Variants in CCNJ observed in about 807,000 individuals in gnomAD.
The protein encoded by CCNJ is cyclin-J.
Under a neutral mutation model 41.4 loss-of-function variants are expected in CCNJ, and 12 were observed. That is an observed-to-expected ratio of 0.29 (90% CI 0.19 to 0.47). The LOEUF is 0.47. Among genes scored for constraint, CCNJ ranks in the 20% least tolerant of loss-of-function variants. CCNJ has a pLI of 1.00. For missense variants in CCNJ, 340 were observed against 464.6 expected, an observed-to-expected ratio of 0.73 and a Z score of 2.47; for synonymous variants, 161 against 173.4, an observed-to-expected ratio of 0.93 and a Z score of 0.56.
rs182244519 is a variant in CCNJ, at chr10:96,054,692, T to C, written c.281-2009T>C. ...CATTTTTGGTTTGATTTAACTTATCTGACCTTAAATGGATTGGCCAACCTC... is the reference window on the plus strand; with the variant it reads ...CATTTTTGGTTTGATTTAACTTATCCGACCTTAAATGGATTGGCCAACCTC... On this transcript the variant is annotated intron_variant, in intron 3 of 5. Coordinates refer to ENST00000465148, the MANE Select transcript of CCNJ (RefSeq NM_001134375.2). Among the ~76,000 whole-genome samples the C allele has an allele frequency of 2.0e-4, 31 of 151,610 alleles. No individual in the cohort carries two copies. In the East Asian group the frequency reaches 3.3e-3, roughly 16 times the overall value.
Position 96,058,001 on chromosome 10 carries a change from T to C in CCNJ, c.912T>C (p.Pro304=). The C allele has an allele frequency of 6.2e-7, 1 of 1,614,152 alleles. No homozygotes were observed. Among genetic ancestry groups the C allele is most frequent in the Non-Finnish European group, 8.5e-7 (1 of 1,180,010 alleles). ...THQTSLQYRH[P]TSEQPSCQQI... ...AGACCTCACTGCAGTATCGCCATCC[T>C]ACGTCAGAACAACCAAGCTGTCAGC... Residue 304 remains proline, a synonymous_variant, in exon 6 of 6, where the codon CCT becomes CCC. Coordinates refer to ENST00000465148, the MANE Select transcript of CCNJ (RefSeq NM_001134375.2).
At chr10:96,048,469 C>A (rs2080425366) in intron 2 of CCNJ, among the ~76,000 whole-genome samples, 1 of 152,174 alleles carries the variant, frequency 6.6e-6, no homozygotes, top group Admixed American at 6.5e-5. Flanking sequence ...ACTTACCATT[C>A]TAACCATTTT....
At chr10:96,051,009 A>G (rs914407920) in intron 3 of CCNJ, among the ~76,000 whole-genome samples, 8 of 152,248 alleles carry the variant, frequency 5.3e-5, no homozygotes, top group East Asian at 1.9e-4. Context: ...CAAAACATCA[A>G]TGGAGCTAAA....
At chr10:96,053,862 T>C (rs920298118) in intron 3 of CCNJ, among the ~76,000 whole-genome samples, 2 of 152,208 alleles carry the variant, frequency 1.3e-5, no homozygotes, top group South Asian at 4.1e-4. Context: ...GAATTACCTT[T>C]TTCTTTTGTT....
chr10:96,052,891 CAA>C (rs1251111238), intron 3 of CCNJ, among the ~76,000 whole-genome samples: 1 of 151,436 alleles, frequency 6.6e-6, no homozygotes, highest in African/African-American at 2.4e-5. Flanking sequence ...GCAAGTTGTT[CAA>C]AAGAGTTTGA....
chr10:96,043,395 G>A (rs993670270), upstream of CCNJ: 3 of 362,048 alleles, frequency 8.3e-6, no homozygotes, highest in Non-Finnish European at 1.5e-5. Flanking sequence ...ACGCCGCGCC[G>A]TGCGGGATGC....
At chr10:96,047,781 T>C (rs997242902) in intron 2 of CCNJ, among the ~76,000 whole-genome samples, 6 of 152,238 alleles carry the variant, frequency 3.9e-5, no homozygotes, top group Non-Finnish European at 5.9e-5. Context: ...AAACTTTTTT[T>C]CCCCAACTTT....
chr10:96,046,814 C>T (rs1441120376), intron 2 of CCNJ, among the ~76,000 whole-genome samples: 1 of 152,204 alleles, frequency 6.6e-6, no homozygotes, highest in Non-Finnish European at 1.5e-5. Context: ...ACCCTTTTGT[C>T]TCCTTTCTTC....
chr10:96,054,632 T>G (rs1216167434), intron 3 of CCNJ, among the ~76,000 whole-genome samples: 1 of 152,154 alleles, frequency 6.6e-6, no homozygotes, highest in Non-Finnish European at 1.5e-5. Flanking sequence ...AAGTGCAAAT[T>G]TGGGAATTCA....
At position 96,044,567 on chromosome 10, in the gene CCNJ, C is replaced by T. The variant is rs150165230; in HGVS notation, c.69+105C>T. 2.3e-4 allele frequency: 210 copies of T among 897,280 alleles called. 1 individual carries two copies. In the African/African-American group the frequency reaches 3.1e-3, roughly 13 times the overall value. The allele number at this position is 897,280 out of a possible 1,614,324, so 55.6% of individuals were successfully genotyped here. A position where few individuals can be genotyped will look rare whatever the true frequency, so the allele number is the denominator to read the frequency against. On this transcript the variant is annotated intron_variant, in intron 2 of 5. Coordinates refer to ENST00000465148, the MANE Select transcript of CCNJ (RefSeq NM_001134375.2). ...GTCAGGTTCTTTACTCACTATCTTC[C>T]GGGCCAGAAAAGGCGAGTTTGCTCA... is the stretch of plus-strand genomic sequence containing the variant.
chr10:96,044,088 T>C (rs914328349), intron 1 of CCNJ, among the ~76,000 whole-genome samples: 37 of 152,298 alleles, frequency 2.4e-4, no homozygotes, highest in African/African-American at 8.9e-4. Context: ...GCTCCGCGCT[T>C]TGGCAACTCA....
Position 96,058,288 on chromosome 10 carries a change from G to A in CCNJ, c.*47G>A. ...GACCCAGACTGCTTTGTGACATGAA[G>A]CTATGGGTAAGCGTTTTGTAAACTT... On this transcript the variant is annotated 3_prime_UTR_variant, in exon 6 of 6. Coordinates refer to ENST00000465148, the MANE Select transcript of CCNJ (RefSeq NM_001134375.2). 2.0e-6 allele frequency: 3 copies of A among 1,530,722 alleles called. No homozygotes were observed. Among genetic ancestry groups the A allele is most frequent in the Non-Finnish European group, 2.7e-6 (3 of 1,122,360 alleles). 94.8% of individuals were successfully genotyped at this position (1,530,722 alleles called of 1,614,324 possible).
chr10:96,043,762 G>A (rs1032810823), intron 1 of CCNJ, 43 bp downstream of exon 1: 5 of 387,806 alleles, frequency 1.3e-5, no homozygotes, highest in Non-Finnish European at 1.8e-5. Flanking sequence ...GCAGGCCTGG[G>A]GTAGGCGTGG....
intron 3 of CCNJ, among the ~76,000 whole-genome samples, chr10:96,051,558 T>C (rs890677961): frequency 2.0e-5 from 3 of 152,012 alleles, no homozygotes; most frequent in Admixed American, 6.6e-5. Context: ...CTTAAAGGAG[T>C]ATGTAGATAT....
In CCNJ at chr10:96,058,100, G is replaced by T; in HGVS notation, c.1011G>T (p.Gln337His). 1.2e-6 allele frequency: 2 copies of T among 1,614,176 alleles called. No individual in the cohort carries two copies. Among genetic ancestry groups the T allele is most frequent in the Non-Finnish European group, 1.7e-6 (2 of 1,180,036 alleles). ...CTGCTGGCTTCCAAACTAGTGTTCAGGGCCTTGGGCACATGCAGACTGGTG... is the reference window on the plus strand; with the variant it reads ...CTGCTGGCTTCCAAACTAGTGTTCATGGCCTTGGGCACATGCAGACTGGTG... ...TCPAGFQTSVQGLGHMQTGVG... is the reference protein window; with the variant it reads ...TCPAGFQTSVHGLGHMQTGVG... Residue 337 changes from glutamine (Q) to histidine (H), a missense_variant, in exon 6 of 6, where the codon CAG (glutamine) becomes CAT (histidine). Coordinates refer to ENST00000465148, the MANE Select transcript of CCNJ (RefSeq NM_001134375.2).
At position 96,057,192 on chromosome 10, in the gene CCNJ, C is replaced by T. The variant is rs201944303; in HGVS notation, c.685C>T (p.Arg229Cys). The T allele has an allele frequency of 9.6e-5, 155 of 1,613,460 alleles. No individual in the cohort carries two copies. The highest frequency in any genetic ancestry group is 2.3e-4 in the Admixed American group (14 of 60,006). ...LSPTWPTRLH[R>C]LTAYSWDFLV... Reference sequence around the variant, plus strand: ...TCCAACGTGGCCTACAAGACTACATCGTCTTACTGCCTACTCTTGGGATTT... The same window carrying T: ...TCCAACGTGGCCTACAAGACTACATTGTCTTACTGCCTACTCTTGGGATTT... Residue 229 changes from arginine (R) to cysteine (C), a missense_variant, in exon 5 of 6, where the codon CGT becomes TGT. Arg to Cys is a radical substitution (Grantham distance 180). This residue lies in a region of CCNJ where 137 missense variants were observed against 252.9 expected (regional missense o/e 0.54). Transcript: ENST00000465148.
At position 96,050,450 on chromosome 10, in the gene CCNJ, C is replaced by T; in HGVS notation, c.264C>T (p.Ser88=). Residue 88 remains serine (S), a synonymous_variant, in exon 3 of 6, where the codon TCC becomes TCT. Coordinates refer to ENST00000465148, the MANE Select transcript of CCNJ (RefSeq NM_001134375.2). ...AGCAGCTGCATTTAGTTGCGCTTTCCTGCCTGCTTCTAGCAAGTAAGTATG... is the reference window on the plus strand; with the variant it reads ...AGCAGCTGCATTTAGTTGCGCTTTCTTGCCTGCTTCTAGCAAGTAAGTATG... The part of the protein sequence containing the change: ...SIQQLHLVAL[S]CLLLASKFEE... The T allele has an allele frequency of 6.2e-7, 1 of 1,613,502 alleles. No homozygotes were observed. The highest frequency in any genetic ancestry group is 2.2e-5 in the East Asian group (1 of 44,882).
At chr10:96,050,229 G>C (rs780048796) in intron 2 of CCNJ, 27 bp from the exon 3 acceptor site, 33 of 1,503,904 alleles carry the variant, frequency 2.2e-5, no homozygotes, top group Non-Finnish European at 2.8e-5. Flanking sequence ...AGATAGGTCA[G>C]ACTAAATGTT....
chr10:96,058,357 G>T lies in CCNJ; in HGVS notation c.*116G>T. ...ATCTAAATGACATCAGAACTCTTCA[G>T]GTACCAGCACCAGGAAGACTGAATA... On this transcript the variant is annotated 3_prime_UTR_variant, in exon 6 of 6. Transcript: ENST00000465148. 2 of 796,566 alleles carry T rather than the reference G, an allele frequency of 2.5e-6. No homozygotes were observed. The highest frequency in any genetic ancestry group is 4.0e-6 in the Non-Finnish European group (2 of 496,118). The allele number at this position is 796,566 out of a possible 1,614,324, so 49.3% of individuals were successfully genotyped here. A position where few individuals can be genotyped will look rare whatever the true frequency, so the allele number is the denominator to read the frequency against.
Sources: gnomAD v4.1 joint callset for allele counts (sites outside exome capture counted in the v4.1 genomes callset) on GRCh38, gnomAD v4.1.1 for gene constraint, gnomAD v4.1.1 regional missense constraint, MANE v1.5 for transcripts, NCBI Gene and HGNC (gene_info 2026-07-23, HGNC 2026-07-21) for gene names.